The following PTPN21 variants were observed in gnomAD, a reference collection of about 807,000 sequenced individuals.
The protein encoded by PTPN21 is protein tyrosine phosphatase non-receptor type 21.
Under a neutral mutation model 131.8 loss-of-function variants are expected in PTPN21, and 77 were observed. That is an observed-to-expected ratio of 0.58 (90% CI 0.49 to 0.71). The LOEUF is 0.71. Ranked by LOEUF, PTPN21 falls within the 30% of genes least tolerant of loss-of-function variation. The pLI is 0.00. For missense variants in PTPN21, 1,552 were observed against 1,527.1 expected, an observed-to-expected ratio of 1.02 and a Z score of -0.27; for synonymous variants, 715 against 621.3, an observed-to-expected ratio of 1.15 and a Z score of -2.24.
chr14:88,507,088 A>G (rs1291488656), intron 4 of PTPN21, among the ~76,000 whole-genome samples: 1 of 152,108 alleles, frequency 6.6e-6, no homozygotes, highest in Non-Finnish European at 1.5e-5. Context: ...GAACTTATTC[A>G]TGTAAGCAAA....
Position 88,521,018 on chromosome 14 carries a change from A to AT in PTPN21, c.181-3758dup, listed in dbSNP as rs550451569. Among the ~76,000 whole-genome samples the AT allele has an allele frequency of 4.1e-3, 625 of 151,286 alleles. 7 individuals are homozygous for AT. Among genetic ancestry groups the AT allele is most frequent in the South Asian group, 0.031 (149 of 4,782 alleles). ...CCACCACACCAGGCTATATATATAT[A>AT]TTTTTTTTGGTCAAGAGAGGGTCTC... On this transcript the variant is annotated intron_variant, in intron 2 of 18. Coordinates refer to ENST00000556564, the MANE Select transcript of PTPN21 (RefSeq NM_007039.4).
intron 13 of PTPN21, among the ~76,000 whole-genome samples, chr14:88,476,387 T>C (rs2077547279): frequency 6.6e-6 from 1 of 152,206 alleles, no homozygotes; most frequent in African/African-American, 2.4e-5. Flanking sequence ...CCAACAACTC[T>C]CTGGGGTCCT....
chr14:88,509,024 C>T (rs1415116148), intron 3 of PTPN21, among the ~76,000 whole-genome samples: 1 of 152,092 alleles, frequency 6.6e-6, no homozygotes, highest in Non-Finnish European at 1.5e-5. Flanking sequence ...AATGAGGGTA[C>T]CATCACCCCT....
intron 2 of PTPN21, among the ~76,000 whole-genome samples, chr14:88,541,086 T>C (rs1453343165): frequency 3.3e-5 from 5 of 152,312 alleles, no homozygotes; most frequent in Admixed American, 3.3e-4. Flanking sequence ...CTCTGCCCCA[T>C]ATATAAATCT....
intron 3 of PTPN21, among the ~76,000 whole-genome samples, chr14:88,508,371 T>G (rs1999176): frequency 0.35 from 52,678 of 151,830 alleles, 9,712 homozygotes; most frequent in African/African-American, 0.48. Flanking sequence ...GGCTGTTCTC[T>G]AACTCCTGGG....
chr14:88,513,446 T>C (rs2078215586), intron 3 of PTPN21: 1 of 152,366 alleles, frequency 6.6e-6, no homozygotes, highest in East Asian at 1.9e-4. Context: ...ATTATAGGCG[T>C]GAGCCACTGT....
intron 8 of PTPN21, 142 bp from the exon 9 acceptor site, chr14:88,497,432 G>A (rs951818810): frequency 7.5e-6 from 5 of 663,122 alleles, no homozygotes; most frequent in African/African-American, 1.8e-5. Flanking sequence ...CAAAAAACAC[G>A]AGACCAGCCT....
chr14:88,554,578 C>CG (rs1006394487), intron 1 of PTPN21, 73 bp downstream of exon 1: 36 of 150,922 alleles, frequency 2.4e-4, no homozygotes, highest in African/African-American at 7.7e-4. Flanking sequence ...CTCCGGGGTC[C>CG]GGGCGAGTGG....
chr14:88,470,573 G>C (rs1027045887), intron 15 of PTPN21, among the ~76,000 whole-genome samples: 1 of 152,212 alleles, frequency 6.6e-6, no homozygotes, highest in Non-Finnish European at 1.5e-5. Context: ...GTAATTACTA[G>C]ATTTGTGGTT....
intron 12 of PTPN21, among the ~76,000 whole-genome samples, chr14:88,483,028 C>T (rs958494641): frequency 2.6e-5 from 4 of 151,718 alleles, no homozygotes; most frequent in Non-Finnish European, 5.9e-5. Context: ...CTGGCTAACA[C>T]GGTGAAACCC....
At chr14:88,530,934 T>G (rs960150373) in intron 2 of PTPN21, among the ~76,000 whole-genome samples, 1 of 152,082 alleles carries the variant, frequency 6.6e-6, no homozygotes, top group Non-Finnish European at 1.5e-5. Context: ...CTAGAACAAA[T>G]GGATTTAACA....
intron 2 of PTPN21, chr14:88,547,502 A>G (rs1030699016): frequency 7.1e-6 from 2 of 281,976 alleles, no homozygotes; most frequent in South Asian, 6.1e-5. Flanking sequence ...GTTAAAAAAA[A>G]AATTAGCTGG....
chr14:88,479,610 C>A lies in PTPN21; in HGVS notation c.1821G>T (p.Gln607His). ...RRVHHSVQTF[Q>H]EDSLPVAHSL... ...AGTGCGCCACGGGCAGGCTGTCCTC[C>A]TGGAACGTTTGCACCGAGTGGTGCA... Residue 607 changes from glutamine (Q) to histidine (H), a missense_variant, in exon 13 of 19, where the codon CAG becomes CAT. Physicochemically the swap from Gln to His is conservative, Grantham distance 24. Coordinates refer to ENST00000556564, the MANE Select transcript of PTPN21 (RefSeq NM_007039.4). The A allele has an allele frequency of 6.3e-7, 1 of 1,582,636 alleles. No homozygotes were observed. Among genetic ancestry groups the A allele is most frequent in the South Asian group, 1.1e-5 (1 of 88,892 alleles).
At chr14:88,485,686 T>C (rs1440999202) in intron 11 of PTPN21, 96 bp downstream of exon 11, 3 of 900,924 alleles carry the variant, frequency 3.3e-6, no homozygotes, top group African/African-American at 3.3e-5. Flanking sequence ...TACACTTTTA[T>C]GGTTCAAACT....
intron 2 of PTPN21, among the ~76,000 whole-genome samples, chr14:88,536,317 T>G (rs536240411): frequency 1.8e-4 from 27 of 152,366 alleles, no homozygotes; most frequent in Non-Finnish European, 3.1e-4. Flanking sequence ...TAAAATTTTT[T>G]CATAGCTACT....
At position 88,550,307 on chromosome 14, in the gene PTPN21, G is replaced by T. The variant is rs1350484985; in HGVS notation, c.111C>A (p.Phe37Leu). The T allele has an allele frequency of 1.2e-6, 2 of 1,614,188 alleles. No individual in the cohort carries two copies. The highest frequency in any genetic ancestry group is 1.7e-5 in the Admixed American group (1 of 60,032). The change falls in exon 2 of 19, where the codon TTC becomes TTA. Residue 37 changes from phenylalanine (F) to leucine (L), a missense_variant. Physicochemically the swap from Phe to Leu is conservative, Grantham distance 22 (BLOSUM62 0). This residue lies in a region of PTPN21 where 206 missense variants were observed against 221.6 expected (regional missense o/e 0.93). Coordinates refer to ENST00000556564, the MANE Select transcript of PTPN21 (RefSeq NM_007039.4). ...GGCCAGTGCTCTCCACGGACAGGGT[G>T]AACTCCACAAACTCGTTATTAAGCA... ...IQLLNNEFVE[F>L]TLSVESTGQE...
chr14:88,544,259 C>T (rs989992726), intron 2 of PTPN21, among the ~76,000 whole-genome samples: 3 of 151,948 alleles, frequency 2.0e-5, no homozygotes, highest in African/African-American at 7.3e-5. Context: ...GTGAGAGAAT[C>T]GCTTGAACCC....
At chr14:88,533,612 G>T (rs945002889) in intron 2 of PTPN21, among the ~76,000 whole-genome samples, 1 of 152,202 alleles carries the variant, frequency 6.6e-6, no homozygotes, top group East Asian at 1.9e-4. Context: ...GCCAGGTGCA[G>T]TAGCTCCCAT....
intron 2 of PTPN21, among the ~76,000 whole-genome samples, chr14:88,549,591 C>T (rs1315170782): frequency 2.0e-5 from 3 of 151,584 alleles, no homozygotes; most frequent in Non-Finnish European, 2.9e-5. Flanking sequence ...AGAAGCCTGT[C>T]GTGTTTTTTT....
Sources: gnomAD v4.1 joint callset for allele counts (sites outside exome capture counted in the v4.1 genomes callset) on GRCh38, gnomAD v4.1.1 for gene constraint, gnomAD v4.1.1 regional missense constraint, MANE v1.5 for transcripts, NCBI Gene and HGNC (gene_info 2026-07-23, HGNC 2026-07-21) for gene names.